The following STRIP2 variants were observed in gnomAD, a reference collection of about 807,000 sequenced individuals.
STRIP2 encodes striatin-interacting protein 2.
Under a neutral mutation model 107.1 loss-of-function variants are expected in STRIP2, and 84 were observed. The ratio of observed to expected loss-of-function variants is 0.78; its 90% CI spans 0.66 to 0.94. The LOEUF is 0.94. Ranked by LOEUF, STRIP2 falls within the 40% of genes least tolerant of loss-of-function variation. The pLI is 0.00. For synonymous variants in STRIP2, 394 were observed against 400.4 expected, an observed-to-expected ratio of 0.98 and a Z score of 0.19; for missense variants, 888 against 1,034.2, an observed-to-expected ratio of 0.86 and a Z score of 1.94.
intron 4 of STRIP2, among the ~76,000 whole-genome samples, chr7:129,452,446 G>T (rs1355813536): frequency 6.6e-6 from 1 of 152,184 alleles, no homozygotes; most frequent in Non-Finnish European, 1.5e-5. Context: ...TGGACATTAG[G>T]TGAAGAGAAG....
At chr7:129,485,443 CA>C in intron 20 of STRIP2, 135 bp from the exon 21 acceptor site, 1 of 925,958 alleles carries the variant, frequency 1.1e-6, no homozygotes, top group Non-Finnish European at 1.5e-6. Context: ...TAACTTCATA[CA>C]TTGCTCTTTA....
chr7:129,483,322 G>A lies in STRIP2; in HGVS notation c.2254+276G>A, dbSNP rs1799174128. ...TTCCAAAACATTCTTTTAAATGACA[G>A]CTTTCTCCAAAAGATTTAAATTAAA... On this transcript the variant is annotated intron_variant, in intron 20 of 20. Transcript: ENST00000249344. This position sits in a 1 kb window ranked among gnomAD's most constrained non-coding sequence, Gnocchi z 5.1. 2.6e-6 allele frequency: 3 copies of A among 1,160,614 alleles called. No homozygotes were observed. Among genetic ancestry groups the A allele is most frequent in the Non-Finnish European group, 3.2e-6 (3 of 932,940 alleles). The allele number at this position is 1,160,614 out of a possible 1,614,324, so 71.9% of individuals were successfully genotyped here. A position where few individuals can be genotyped will look rare whatever the true frequency, so the allele number is the denominator to read the frequency against.
At position 129,488,212 on chromosome 7, in the gene STRIP2, G is replaced by A. The variant is rs928067778; in HGVS notation, c.*2383G>A. 2 of 152,270 alleles carry A rather than the reference G, an allele frequency of 1.3e-5. No homozygotes were observed. The highest frequency in any genetic ancestry group is 4.8e-5 in the African/African-American group (2 of 41,298). The allele number at this position is 152,270 out of a possible 1,614,324, so 9.4% of individuals were successfully genotyped here. A position where few individuals can be genotyped will look rare whatever the true frequency, so the allele number is the denominator to read the frequency against. ...TAAAGTTAATATATAAACCATGTAT[G>A]TGGTTAGGAATAAATTCAAATTCAC... On this transcript the variant is annotated 3_prime_UTR_variant, in exon 21 of 21. Transcript: ENST00000249344.
rs1219768555 is a variant in STRIP2, at chr7:129,487,948, A to G, written c.*2119A>G. 1.3e-5 allele frequency: 2 copies of G among 152,242 alleles called. No individual in the cohort carries two copies. The highest frequency in any genetic ancestry group is 1.3e-4 in the Admixed American group (2 of 15,278). The allele number at this position is 152,242 out of a possible 1,614,324, so 9.4% of individuals were successfully genotyped here. ...AAGGGAAGGTTACTTCTCAGTGCAG[A>G]TGGAGAAACTGAAGCACTAAGGATA... On this transcript the variant is annotated 3_prime_UTR_variant, in exon 21 of 21. Transcript: ENST00000249344.
At chr7:129,470,988 C>T (rs1381963486) in intron 18 of STRIP2, among the ~76,000 whole-genome samples, 3 of 152,182 alleles carry the variant, frequency 2.0e-5, no homozygotes, top group Non-Finnish European at 4.4e-5. Context: ...CATAATGGGA[C>T]CGAAATTGAG....
At position 129,455,366 on chromosome 7, in the gene STRIP2, G is replaced by T. The variant is rs1370636092; in HGVS notation, c.829G>T (p.Val277Phe). Residue 277 changes from valine to phenylalanine, a missense_variant, in exon 8 of 21, where the codon GTC becomes TTC. Physicochemically the swap from Val to Phe is conservative, Grantham distance 50. Transcript: ENST00000249344. ...GGTCCTGCTCCTGCTCTGGAAGGTG[G>T]TCATGGTGAGTAATTCTCCCCACTC... Reference protein sequence around the residue: ...KKVLLLLWKVVMFTLGGFEHL... With the variant: ...KKVLLLLWKVFMFTLGGFEHL... 2 of 1,612,154 alleles carry T rather than the reference G, an allele frequency of 1.2e-6. No homozygotes were observed. The highest frequency in any genetic ancestry group is 1.7e-6 in the Non-Finnish European group (2 of 1,179,260).
At position 129,461,571 on chromosome 7, in the gene STRIP2, GA is replaced by G. The variant is rs34776556; in HGVS notation, c.1476+1205del. 0.2 allele frequency among the ~76,000 whole-genome samples: 30,098 copies of G among 152,132 alleles called. 3,883 individuals carry two copies. Among genetic ancestry groups the G allele is most frequent in the Non-Finnish European group, 0.28 (18,923 of 67,958 alleles). ...CATAAAAGCTAAGAAAGTCTTTCAA[GA>G]AAAAAGGAGTGATCTGCTGGGTAAA... On this transcript the variant is annotated intron_variant, in intron 13 of 20. Coordinates refer to ENST00000249344, the MANE Select transcript of STRIP2 (RefSeq NM_020704.3). The surrounding 1 kb of genome is among the most constrained non-coding windows in gnomAD (Gnocchi z 4.0).
rs555863180 is a variant in STRIP2 at position 129,480,924 on chromosome 7, TCTGA to T, written c.2049+40_2049+43del. 240 of 1,536,604 alleles carry T rather than the reference TCTGA, an allele frequency of 1.6e-4. 1 individual carries two copies. In the African/African-American group the frequency reaches 3.0e-3, roughly 19 times the overall value. On this transcript the variant is annotated intron_variant, in intron 19 of 20. Transcript: ENST00000249344. ...GTTTTTTACATCATGGAGTTGTCCA[TCTGA>T]CTGAATTTTTAAAAGATCACTAGTA...
chr7:129,462,877 T>C lies in STRIP2; in HGVS notation c.1477-89T>C. 5 of 967,740 alleles carry C rather than the reference T, an allele frequency of 5.2e-6. No individual in the cohort carries two copies. The South Asian group carries it at 7.2e-5, about 14-fold the overall frequency. 59.9% of individuals were successfully genotyped at this position (967,740 alleles called of 1,614,324 possible). A position where few individuals can be genotyped will look rare whatever the true frequency, so the allele number is the denominator to read the frequency against. ...CTAGATCTGACTCCCAGCTTAGTGC[T>C]CTTTTCAGGTCACCCCTCACAACCA... On this transcript the variant is annotated intron_variant, in intron 13 of 20. Coordinates refer to ENST00000249344, the MANE Select transcript of STRIP2 (RefSeq NM_020704.3).
chr7:129,437,880 A>G (rs1006299537), intron 1 of STRIP2, among the ~76,000 whole-genome samples: 1 of 146,818 alleles, frequency 6.8e-6, no homozygotes, highest in African/African-American at 2.6e-5. Context: ...AACTCGGCTC[A>G]CTGCAAGCTC....
rs1798424990 is a variant in STRIP2 at position 129,458,341 on chromosome 7, C to T, written c.1165C>T (p.Leu389=). Residue 389 remains leucine, a synonymous_variant, in exon 10 of 21, where the codon CTA becomes TTA. Coordinates refer to ENST00000249344, the MANE Select transcript of STRIP2 (RefSeq NM_020704.3). This position sits in a 1 kb window ranked among gnomAD's most constrained non-coding sequence, Gnocchi z 4.6. ...GDGERTLDGE[L]DLLEQDPLVP... is the part of the protein sequence containing the mutation. ...TGGAGAACGAACCTTGGATGGAGAGCTAGACCTGCTAGAGCAGGACCCTCT... is the reference window on the plus strand; with the variant it reads ...TGGAGAACGAACCTTGGATGGAGAGTTAGACCTGCTAGAGCAGGACCCTCT... 1.9e-6 allele frequency: 3 copies of T among 1,614,062 alleles called. No homozygotes were observed. Among genetic ancestry groups the T allele is most frequent in the Admixed American group, 3.3e-5 (2 of 60,002 alleles).
chr7:129,462,993 T>C lies in STRIP2; in HGVS notation c.1504T>C (p.Cys502Arg), dbSNP rs1480498267. ...GGAAGAGGTGGTACCAGAGACGCCA[T>C]GTGAAATCCTCTACCAGGGAATGCT... ...LGEEVVPETP[C>R]EILYQGMLYS... is the part of the protein sequence containing the mutation. The change falls in exon 14 of 21, where the codon TGT (cysteine) becomes CGT (arginine). Residue 502 changes from cysteine (C) to arginine (R), a missense_variant. Physicochemically the swap from Cys to Arg is radical, Grantham distance 180. Coordinates refer to ENST00000249344, the MANE Select transcript of STRIP2 (RefSeq NM_020704.3). 7 of 1,613,914 alleles carry C rather than the reference T, an allele frequency of 4.3e-6. No homozygotes were observed. The highest frequency in any genetic ancestry group is 4.2e-6 in the Non-Finnish European group (5 of 1,179,956).
chr7:129,471,408 T>C (rs966061145), intron 18 of STRIP2, among the ~76,000 whole-genome samples: 2 of 152,186 alleles, frequency 1.3e-5, no homozygotes, highest in African/African-American at 4.8e-5. Context: ...TTTCTTAATT[T>C]GACTGTAGAA....
chr7:129,485,455 CAAAAAA>C lies in STRIP2; in HGVS notation c.2255-112_2255-107del, dbSNP rs34127145. 389 of 770,670 alleles carry C rather than the reference CAAAAAA, an allele frequency of 5.0e-4. 1 individual carries two copies. In the African/African-American group the frequency reaches 6.8e-3, roughly 14 times the overall value. 47.7% of individuals were successfully genotyped at this position (770,670 alleles called of 1,614,324 possible). A position where few individuals can be genotyped will look rare whatever the true frequency, so the allele number is the denominator to read the frequency against. On this transcript the variant is annotated intron_variant, in intron 20 of 20. Transcript: ENST00000249344. Reference sequence around the variant, plus strand: ...TACTAACTTCATACATTGCTCTTTACAAAAAAAAAAAAAAAAAGAATTTCTGAGCAG... The same window carrying C: ...TACTAACTTCATACATTGCTCTTTACAAAAAAAAAAAGAATTTCTGAGCAG...
chr7:129,456,235 T>A (rs551255117), intron 8 of STRIP2, among the ~76,000 whole-genome samples: 1 of 151,298 alleles, frequency 6.6e-6, no homozygotes, highest in East Asian at 1.9e-4. Context: ...AAATAATGCC[T>A]TATCCTGACC....
Position 129,483,255 on chromosome 7 carries a change from C to A in STRIP2, c.2254+209C>A. 1 of 1,257,042 alleles carries A rather than the reference C, an allele frequency of 8.0e-7. No homozygotes were observed. The highest frequency in any genetic ancestry group is 1.5e-5 in the African/African-American group (1 of 66,048). The allele number at this position is 1,257,042 out of a possible 1,614,324, so 77.9% of individuals were successfully genotyped here. Reference sequence around the variant, plus strand: ...CTTGTCCTATGTAAACTATGAAAATCCGTTTTATAAAACAAGTAAATTGAG... The same window carrying A: ...CTTGTCCTATGTAAACTATGAAAATACGTTTTATAAAACAAGTAAATTGAG... On this transcript the variant is annotated intron_variant, in intron 20 of 20. Coordinates refer to ENST00000249344, the MANE Select transcript of STRIP2 (RefSeq NM_020704.3). This position sits in a 1 kb window ranked among gnomAD's most constrained non-coding sequence, Gnocchi z 5.1.
intron 18 of STRIP2, among the ~76,000 whole-genome samples, chr7:129,479,841 TG>T (rs914050059): frequency 2.0e-5 from 3 of 152,200 alleles, no homozygotes; most frequent in African/African-American, 7.2e-5. Flanking sequence ...TTTTGGCTCT[TG>T]GTATTAGGTA....
intron 1 of STRIP2, among the ~76,000 whole-genome samples, chr7:129,437,754 A>G (rs1452093284): frequency 1.3e-5 from 2 of 151,536 alleles, no homozygotes; most frequent in Non-Finnish European, 2.9e-5. Context: ...TTTTAATCCA[A>G]AAGTTTGGAA....
intron 12 of STRIP2, among the ~76,000 whole-genome samples, chr7:129,459,983 C>A (rs1043552555): frequency 6.6e-6 from 1 of 152,166 alleles, no homozygotes. Context: ...CATCAAAATT[C>A]TCAGGGCAGT....
Sources: gnomAD v4.1 joint callset for allele counts (sites outside exome capture counted in the v4.1 genomes callset) on GRCh38, gnomAD v4.1.1 for gene constraint, Gnocchi (gnomAD v3.1) non-coding constraint, MANE v1.5 for transcripts, NCBI Gene and HGNC (gene_info 2026-07-23, HGNC 2026-07-21) for gene names.